Variants in HDAC9 observed in about 807,000 individuals in gnomAD.
The protein encoded by HDAC9 is histone deacetylase 9, also known as MEF-2 interacting transcription repressor (MITR) protein.
HDAC9 carries 41 observed loss-of-function variants against 139.4 expected under a neutral mutation model. The observed-to-expected ratio is 0.29, with a 90% CI of 0.23 to 0.38. The LOEUF is 0.38. HDAC9 is among the 10% of genes least tolerant of loss of function. The pLI is 1.00. For missense variants in HDAC9, 1,147 were observed against 1,297.0 expected, an observed-to-expected ratio of 0.88 and a Z score of 1.78; for synonymous variants, 517 against 476.2, an observed-to-expected ratio of 1.09 and a Z score of -1.12.
intron 2 of HDAC9, among the ~76,000 whole-genome samples, chr7:18,223,315 A>G (rs1792830224): frequency 6.6e-6 from 1 of 151,154 alleles, no homozygotes; most frequent in African/African-American, 2.4e-5. Context: ...AAGTTGACAT[A>G]TTTACACACA....
At chr7:18,278,374 A>G (rs553103038) in intron 2 of HDAC9, among the ~76,000 whole-genome samples, 1 of 152,348 alleles carries the variant, frequency 6.6e-6, no homozygotes, top group East Asian at 1.9e-4. Context: ...GGAGTGCTTT[A>G]TTAAAATAAT....
chr7:18,696,040 G>C (rs545108659), intron 12 of HDAC9, among the ~76,000 whole-genome samples: 5 of 151,890 alleles, frequency 3.3e-5, no homozygotes, highest in Non-Finnish European at 7.4e-5. Context: ...AATATCATTC[G>C]TACTAACACT....
intron 1 of HDAC9, among the ~76,000 whole-genome samples, chr7:18,409,776 T>C (rs1252352323): frequency 3.9e-5 from 6 of 152,184 alleles, no homozygotes; most frequent in African/African-American, 1.4e-4. Flanking sequence ...TTGTAGTTCT[T>C]TGGAAACTCT....
chr7:18,138,092 T>C (rs1035102132), intron 1 of HDAC9, among the ~76,000 whole-genome samples: 2 of 152,242 alleles, frequency 1.3e-5, no homozygotes, highest in Non-Finnish European at 2.9e-5. Context: ...TTTATTTGCA[T>C]AGAGGTGTTT....
chr7:18,788,365 G>A (rs192116892), intron 16 of HDAC9, among the ~76,000 whole-genome samples: 1 of 152,270 alleles, frequency 6.6e-6, no homozygotes, highest in East Asian at 1.9e-4. Flanking sequence ...GAGCATCTCA[G>A]GAATGCTGTA....
chr7:18,651,967 C>T (rs1789422418), intron 11 of HDAC9, among the ~76,000 whole-genome samples: 1 of 152,048 alleles, frequency 6.6e-6, no homozygotes, highest in Non-Finnish European at 1.5e-5. Flanking sequence ...TATCTCTGCT[C>T]ATGAGTTTGA....
At chr7:18,964,414 A>C (rs1783718346) in intron 24 of HDAC9, among the ~76,000 whole-genome samples, 2 of 152,038 alleles carry the variant, frequency 1.3e-5, no homozygotes, top group Non-Finnish European at 2.9e-5. Context: ...AGCTTATTTC[A>C]CTGTGAGACA....
chr7:18,551,028 C>T (rs550440624), intron 2 of HDAC9, among the ~76,000 whole-genome samples: 142 of 152,202 alleles, frequency 9.3e-4, no homozygotes, highest in African/African-American at 3.3e-3. Flanking sequence ...TAACAACAAC[C>T]ACATACATCA....
At chr7:18,246,417 C>T (rs753243428) in intron 2 of HDAC9, among the ~76,000 whole-genome samples, 8 of 151,954 alleles carry the variant, frequency 5.3e-5, no homozygotes, top group Non-Finnish European at 7.4e-5. Flanking sequence ...ATTGGCATTT[C>T]GTAAATTCAC....
In HDAC9 at chr7:18,676,439, C is replaced by T. The variant is rs562356003; in HGVS notation, c.1731+9963C>T. Among the ~76,000 whole-genome samples, 3 of 151,728 alleles carry T rather than the reference C, an allele frequency of 2.0e-5. No homozygotes were observed. The East Asian group carries it at 5.9e-4, about 30-fold the overall frequency. ...TTCTTGATCTTAAGTAATTTGACTGCATAATTTTGCATAGCCATTTGTCCT... is the reference window on the plus strand; with the variant it reads ...TTCTTGATCTTAAGTAATTTGACTGTATAATTTTGCATAGCCATTTGTCCT... On this transcript the variant is annotated intron_variant, in intron 12 of 25. Coordinates refer to ENST00000686413, the MANE Select transcript of HDAC9 (RefSeq NM_178425.4).
chr7:18,919,593 C>T (rs1040219196), intron 22 of HDAC9, among the ~76,000 whole-genome samples: 1 of 151,872 alleles, frequency 6.6e-6, no homozygotes, highest in Admixed American at 6.6e-5. Context: ...GAAGATTTCA[C>T]AGGGATTAAA....
intron 1 of HDAC9, among the ~76,000 whole-genome samples, chr7:18,398,266 A>C (rs1393251841): frequency 1.3e-5 from 2 of 152,222 alleles, no homozygotes; most frequent in African/African-American, 2.4e-5. Context: ...GACTAGCATG[A>C]TTTAATAATG....
intron 1 of HDAC9, among the ~76,000 whole-genome samples, chr7:18,382,758 A>C (rs1325979603): frequency 6.6e-6 from 1 of 152,262 alleles, no homozygotes; most frequent in Non-Finnish European, 1.5e-5. Context: ...AAAAGTAATA[A>C]TTTTAAAGTA....
intron 17 of HDAC9, among the ~76,000 whole-genome samples, chr7:18,818,750 T>A (rs1354358974): frequency 6.6e-6 from 1 of 152,160 alleles, no homozygotes; most frequent in East Asian, 1.9e-4. Flanking sequence ...TTGACCCTTA[T>A]TTTTCATGAT....
Position 18,835,958 on chromosome 7 carries a change from A to G in HDAC9, c.2645A>G (p.Asp882Gly). 3.2e-6 allele frequency: 5 copies of G among 1,566,804 alleles called. No homozygotes were observed. Among genetic ancestry groups the G allele is most frequent in the Non-Finnish European group, 4.3e-6 (5 of 1,154,130 alleles). Reference protein sequence around the residue: ...NINIAWTGGLDPPMGDVEYLE... With the variant: ...NINIAWTGGLGPPMGDVEYLE... ...AATATTGCCTGGACAGGTGGCCTTGATCCTCCCATGGGAGATGTTGAGTAC... is the reference window on the plus strand; with the variant it reads ...AATATTGCCTGGACAGGTGGCCTTGGTCCTCCCATGGGAGATGTTGAGTAC... The change falls in exon 21 of 26, where the codon GAT (aspartate) becomes GGT (glycine). Residue 882 changes from aspartate (D) to glycine (G), a missense_variant. Asp to Gly is a moderately conservative substitution (Grantham distance 94). Around this residue, in one of 7 missense-constraint regions of HDAC9, gnomAD observed 407 missense variants for 521.5 expected, o/e 0.78. Transcript: ENST00000686413.
intron 2 of HDAC9, among the ~76,000 whole-genome samples, chr7:18,521,977 T>C (rs1334454482): frequency 1.3e-5 from 2 of 152,152 alleles, no homozygotes; most frequent in Non-Finnish European, 2.9e-5. Context: ...TATTGAAATA[T>C]TGTGTCTTCT....
intron 21 of HDAC9, among the ~76,000 whole-genome samples, chr7:18,853,752 G>T (rs910599044): frequency 2.0e-5 from 3 of 152,032 alleles, no homozygotes; most frequent in African/African-American, 7.2e-5. Context: ...TTTCATTAGC[G>T]TGCATTTACC....
At chr7:18,159,536 A>T (rs189967685) in intron 1 of HDAC9, among the ~76,000 whole-genome samples, 1 of 151,642 alleles carries the variant, frequency 6.6e-6, no homozygotes, top group African/African-American at 2.4e-5. Context: ...GGTGTGGATC[A>T]GGCTGCTAAT....
chr7:18,109,776 G>A (rs1222741332), intron 1 of HDAC9, among the ~76,000 whole-genome samples: 1 of 152,128 alleles, frequency 6.6e-6, no homozygotes, highest in African/African-American at 2.4e-5. Flanking sequence ...CCACTTTAAT[G>A]TTGTTAATCT....
Sources: gnomAD v4.1 joint callset for allele counts (sites outside exome capture counted in the v4.1 genomes callset) on GRCh38, gnomAD v4.1.1 for gene constraint, gnomAD v4.1.1 regional missense constraint, MANE v1.5 for transcripts, NCBI Gene and HGNC (gene_info 2026-07-23, HGNC 2026-07-21) for gene names.